Variants in MOB3A observed in about 807,000 individuals in gnomAD.
MOB3A encodes the protein MOB LAK.
A neutral mutation model predicts 17.8 loss-of-function variants in MOB3A; 17 were observed. That is an observed-to-expected ratio of 0.95 (90% CI 0.65 to 1.43). The LOEUF (loss-of-function observed/expected upper bound fraction) is 1.43, where lower values mean the gene tolerates loss of function less well. MOB3A is among the 40% of genes most tolerant of loss of function. MOB3A has a pLI of 0.00. For synonymous variants in MOB3A, 124 were observed against 133.2 expected (o/e 0.93, Z 0.48); for missense variants, 333 against 310.8 (o/e 1.07, Z -0.54).
intron 2 of MOB3A, among the ~76,000 whole-genome samples, chr19:2,080,275 G>C (rs1568253326): frequency 6.6e-6 from 1 of 152,172 alleles, no homozygotes; most frequent in African/African-American, 2.4e-5. Context: ...GAGTCAGAGA[G>C]GGGAGAGGGA....
In MOB3A at chr19:2,072,354, T is replaced by A. The variant is rs573052429; in HGVS notation, c.*1041A>T. On this transcript the variant is annotated 3_prime_UTR_variant, in exon 5 of 5. Transcript: ENST00000357066. ...TACTTGGGAGGCTGAAGCAGGAGAA[T>A]CACTTGAACCCAGGAGGTGGAGGAT... 1 of 152,080 alleles carries A rather than the reference T, an allele frequency of 6.6e-6. No homozygotes were observed. The highest frequency in any genetic ancestry group is 1.5e-5 in the Non-Finnish European group (1 of 67,998). 9.4% of individuals were successfully genotyped at this position (152,080 alleles called of 1,614,324 possible).
intron 2 of MOB3A, among the ~76,000 whole-genome samples, chr19:2,084,913 G>A (rs1459604655): frequency 6.6e-6 from 1 of 151,310 alleles, no homozygotes; most frequent in Non-Finnish European, 1.5e-5. Context: ...TTTAGAGACA[G>A]GGGTTTCACC....
At chr19:2,078,113 C>T in intron 3 of MOB3A, 27 bp downstream of exon 3, 3 of 1,536,788 alleles carry the variant, frequency 2.0e-6, no homozygotes, top group Non-Finnish European at 2.6e-6. Context: ...GCTCTGTATC[C>T]CCGAGCCCCT....
At chr19:2,075,008 CGCCGG>C (rs941420115) in intron 4 of MOB3A, among the ~76,000 whole-genome samples, 9 of 151,180 alleles carry the variant, frequency 6.0e-5, no homozygotes, top group Non-Finnish European at 1.0e-4. Context: ...TGAGCCACCA[CGCCGG>C]GCCTTAATCT....
intron 4 of MOB3A, among the ~76,000 whole-genome samples, chr19:2,075,701 T>C (rs757431645): frequency 6.6e-5 from 10 of 151,816 alleles, no homozygotes; most frequent in Non-Finnish European, 1.3e-4. Flanking sequence ...AGAAGCAACA[T>C]TGGCTTCAGG....
intron 1 of MOB3A, chr19:2,090,266 T>C (rs141432703): frequency 2.1e-3 from 327 of 152,398 alleles, no homozygotes; most frequent in Admixed American, 6.3e-3. Context: ...CCGGTGGGAA[T>C]TGTCTGTGCT....
intron 2 of MOB3A, among the ~76,000 whole-genome samples, chr19:2,081,433 C>T (rs919144183): frequency 6.6e-6 from 1 of 151,690 alleles, no homozygotes; most frequent in Non-Finnish European, 1.5e-5. Flanking sequence ...ACTAAAAATA[C>T]AAAAATTAGC....
rs775869855 is a variant in MOB3A at position 2,090,399 on chromosome 19, G to A, written c.-273-5071C>T. Among the ~76,000 whole-genome samples the A allele has an allele frequency of 7.9e-5, 12 of 152,140 alleles. No individual in the cohort carries two copies. In the South Asian group the frequency reaches 1.2e-3, roughly 16 times the overall value. On this transcript the variant is annotated intron_variant, in intron 1 of 4. Coordinates refer to ENST00000357066, the MANE Select transcript of MOB3A (RefSeq NM_130807.3). ...CCCCTGCCCCCACAGGCCTGAACAC[G>A]GTGAAGATTCTGCCCCTCAACACCG...
intron 1 of MOB3A, among the ~76,000 whole-genome samples, chr19:2,091,673 T>C (rs377587366): frequency 2.0e-5 from 3 of 149,442 alleles, no homozygotes; most frequent in Admixed American, 6.7e-5. Flanking sequence ...CGTGAGCTAC[T>C]GCGCCCAGGC....
At chr19:2,084,823 T>A (rs2017532856) in intron 2 of MOB3A, among the ~76,000 whole-genome samples, 2 of 151,958 alleles carry the variant, frequency 1.3e-5, no homozygotes, top group African/African-American at 4.8e-5. Context: ...ACTCTTTACC[T>A]CGTGATCTGC....
At chr19:2,076,753 C>G (rs2017414327) in intron 4 of MOB3A, 58 bp downstream of exon 4, 2 of 1,570,942 alleles carry the variant, frequency 1.3e-6, no homozygotes, top group Non-Finnish European at 1.7e-6. Context: ...AAGGGTTCCT[C>G]TGCCACGGGC....
chr19:2,076,054 T>G (rs1460864682), intron 4 of MOB3A, among the ~76,000 whole-genome samples: 1 of 104,620 alleles, frequency 9.6e-6, no homozygotes, highest in Non-Finnish European at 1.8e-5. Flanking sequence ...ACCCGGAAGG[T>G]GGGGGTTGCA....
intron 3 of MOB3A, 115 bp downstream of exon 3, chr19:2,078,025 T>A: frequency 2.7e-6 from 3 of 1,096,382 alleles, no homozygotes; most frequent in South Asian, 1.9e-5. Flanking sequence ...GCTCAAGCGA[T>A]CCCTGGGCTC....
intron 2 of MOB3A, among the ~76,000 whole-genome samples, chr19:2,080,672 G>A (rs924778941): frequency 4.6e-5 from 7 of 152,132 alleles, no homozygotes; most frequent in African/African-American, 7.2e-5. Context: ...CACCGCGCCC[G>A]GCTGTGTTGC....
At chr19:2,094,763 AAC>A (rs1279956330) in intron 1 of MOB3A, among the ~76,000 whole-genome samples, 2 of 152,282 alleles carry the variant, frequency 1.3e-5, no homozygotes, top group Non-Finnish European at 2.9e-5. Flanking sequence ...AAACACGCAA[AAC>A]ACAATGTCAA....
At chr19:2,091,676 G>A (rs1018499364) in intron 1 of MOB3A, among the ~76,000 whole-genome samples, 5 of 151,124 alleles carry the variant, frequency 3.3e-5, no homozygotes, top group African/African-American at 2.4e-5. Flanking sequence ...GAGCTACTGC[G>A]CCCAGGCTCT....
chr19:2,077,395 C>T lies in MOB3A; in HGVS notation c.422-382G>A, dbSNP rs188803638. ...CCAGCCTGGGTGACAGAGTGAGACA[C>T]TGTCTCAAAAAAAAAAAGAAAAAGA... On this transcript the variant is annotated intron_variant, in intron 3 of 4. Coordinates refer to ENST00000357066, the MANE Select transcript of MOB3A (RefSeq NM_130807.3). Among the ~76,000 whole-genome samples, 121 of 150,868 alleles carry T rather than the reference C, an allele frequency of 8.0e-4. 2 individuals are homozygous for T. Among genetic ancestry groups the T allele is most frequent in the Admixed American group, 7.0e-3 (106 of 15,114 alleles).
chr19:2,078,144 G>A lies in MOB3A; in HGVS notation c.417C>T (p.Asn139=), dbSNP rs138080061. 42 of 1,568,466 alleles carry A rather than the reference G, an allele frequency of 2.7e-5. No individual in the cohort carries two copies. Among genetic ancestry groups the A allele is most frequent in the African/African-American group, 1.5e-4 (11 of 74,034 alleles). Reference sequence around the variant, plus strand: ...CCCCTGCCAGCTCTGACTCACCAACGTTGGTGGGGAAGAGGTCCTCGTTGT... The same window carrying A: ...CCCCTGCCAGCTCTGACTCACCAACATTGGTGGGGAAGAGGTCCTCGTTGT... The part of the protein sequence containing the change: ...QINNEDLFPT[N]VGTPFPKNFL... Residue 139 remains asparagine (N), a synonymous_variant, in exon 3 of 5, where the codon AAC becomes AAT. Coordinates refer to ENST00000357066, the MANE Select transcript of MOB3A (RefSeq NM_130807.3).
chr19:2,087,077 C>T (rs2017562404), intron 1 of MOB3A, among the ~76,000 whole-genome samples: 1 of 152,200 alleles, frequency 6.6e-6, no homozygotes, highest in African/African-American at 2.4e-5. Flanking sequence ...AGGTGTGAGC[C>T]ACTGTGCCTA....
Sources: gnomAD v4.1 joint callset for allele counts (sites outside exome capture counted in the v4.1 genomes callset) on GRCh38, gnomAD v4.1.1 for gene constraint, MANE v1.5 for transcripts, NCBI Gene and HGNC (gene_info 2026-07-23, HGNC 2026-07-21) for gene names.